The following RABGAP1L variants were observed in gnomAD, a reference collection of about 807,000 sequenced individuals.
RABGAP1L encodes the protein rab GTPase-activating protein 1-like.
RABGAP1L carries 63 observed loss-of-function variants against 137.7 expected under a neutral mutation model. That is an observed-to-expected ratio of 0.46 (90% CI 0.37 to 0.56). The LOEUF is 0.56. Ranked by LOEUF, RABGAP1L falls within the 20% of genes least tolerant of loss-of-function variation. The pLI, the probability that RABGAP1L is intolerant of heterozygous loss-of-function variation, is 0.00. For missense variants in RABGAP1L, 1,095 were observed against 1,244.0 expected (o/e 0.88, Z 1.80); for synonymous variants, 431 against 433.7 (o/e 0.99, Z 0.08).
At chr1:174,237,807 A>G (rs1054158609) in intron 4 of RABGAP1L, among the ~76,000 whole-genome samples, 24 of 148,340 alleles carry the variant, frequency 1.6e-4, no homozygotes, top group Admixed American at 1.4e-3. Context: ...CCTGAATCTG[A>G]ACGTTGGCCT....
chr1:174,230,023 A>G (rs1311510483), intron 3 of RABGAP1L, among the ~76,000 whole-genome samples: 4 of 152,158 alleles, frequency 2.6e-5, no homozygotes. Context: ...GATAGACTGG[A>G]TTAAGAAAAT....
chr1:174,405,563 G>A (rs1432611502), intron 13 of RABGAP1L, among the ~76,000 whole-genome samples: 1 of 152,198 alleles, frequency 6.6e-6, no homozygotes, highest in Non-Finnish European at 1.5e-5. Flanking sequence ...ATCAGAAAAT[G>A]TATAGTTACT....
At chr1:174,486,998 T>G (rs1659738167) in intron 13 of RABGAP1L, among the ~76,000 whole-genome samples, 2 of 152,336 alleles carry the variant, frequency 1.3e-5, no homozygotes, top group South Asian at 4.1e-4. Context: ...CTTGATATTT[T>G]TTCAGTTCTT....
chr1:174,631,987 C>CAGCA (rs1673430649), intron 13 of RABGAP1L, among the ~76,000 whole-genome samples: 2 of 95,916 alleles, frequency 2.1e-5, no homozygotes, highest in South Asian at 4.6e-4. Flanking sequence ...TCTTCCTAGT[C>CAGCA]TCGATGGTCT....
intron 13 of RABGAP1L, among the ~76,000 whole-genome samples, chr1:174,477,757 A>G (rs966071620): frequency 6.6e-6 from 1 of 152,172 alleles, no homozygotes; most frequent in Non-Finnish European, 1.5e-5. Flanking sequence ...GAGGATATTG[A>G]CATTTATTTT....
intron 19 of RABGAP1L, among the ~76,000 whole-genome samples, chr1:174,851,515 A>G (rs1170048983): frequency 1.3e-5 from 2 of 152,008 alleles, no homozygotes; most frequent in Non-Finnish European, 2.9e-5. Context: ...TCAATGAAGA[A>G]GTTGCCATTT....
At chr1:174,476,930 T>C (rs1658564213) in intron 13 of RABGAP1L, among the ~76,000 whole-genome samples, 1 of 152,174 alleles carries the variant, frequency 6.6e-6, no homozygotes, top group Non-Finnish European at 1.5e-5. Context: ...GGCCAGATCC[T>C]AGTGGCAGAA....
intron 14 of RABGAP1L, among the ~76,000 whole-genome samples, chr1:174,641,736 G>T (rs1015104466): frequency 8.5e-5 from 13 of 152,262 alleles, no homozygotes; most frequent in African/African-American, 2.9e-4. Context: ...TCACTAAGTA[G>T]ATCTAAGAAT....
At chr1:174,658,102 A>C (rs1251107589) in intron 14 of RABGAP1L, among the ~76,000 whole-genome samples, 2 of 152,160 alleles carry the variant, frequency 1.3e-5, no homozygotes, top group Non-Finnish European at 2.9e-5. Flanking sequence ...GGAGGGTGGG[A>C]GATGGGACCA....
chr1:174,506,059 C>T (rs1572093767), intron 13 of RABGAP1L, among the ~76,000 whole-genome samples: 1 of 152,316 alleles, frequency 6.6e-6, no homozygotes, highest in East Asian at 1.9e-4. Context: ...TCAAATACCA[C>T]ATGATCTCTT....
At chr1:174,978,588 T>C (rs1051203710) in intron 22 of RABGAP1L, among the ~76,000 whole-genome samples, 1 of 152,214 alleles carries the variant, frequency 6.6e-6, no homozygotes, top group East Asian at 1.9e-4. Flanking sequence ...GTGTTGTTCA[T>C]ATGTCTCATA....
intron 1 of RABGAP1L, among the ~76,000 whole-genome samples, chr1:174,195,563 G>T (rs1363276736): frequency 7.3e-6 from 1 of 137,626 alleles, no homozygotes; most frequent in Non-Finnish European, 1.6e-5. Context: ...TTTGGGTAGG[G>T]TTCTTAATCA....
chr1:174,555,890 GATGA>G (rs1666848164), intron 13 of RABGAP1L, among the ~76,000 whole-genome samples: 1 of 151,566 alleles, frequency 6.6e-6, no homozygotes, highest in Non-Finnish European at 1.5e-5. Context: ...CATCACAGTA[GATGA>G]ATGAATGGTT....
At chr1:174,893,739 A>C (rs567642501) in intron 19 of RABGAP1L, among the ~76,000 whole-genome samples, 103 of 152,274 alleles carry the variant, frequency 6.8e-4, no homozygotes, top group Admixed American at 1.9e-3. Flanking sequence ...AGCCACATAG[A>C]ATACTTGGAA....
chr1:174,925,859 G>GTTT (rs11340680), intron 19 of RABGAP1L, among the ~76,000 whole-genome samples: 1 of 128,828 alleles, frequency 7.8e-6, no homozygotes, highest in African/African-American at 2.7e-5. Flanking sequence ...TTTGTTGTTG[G>GTTT]TTTTTTTTTT....
At chr1:174,253,721 A>T (rs1360278934) in intron 7 of RABGAP1L, among the ~76,000 whole-genome samples, 1 of 152,214 alleles carries the variant, frequency 6.6e-6, no homozygotes, top group East Asian at 1.9e-4. Context: ...TCAGTCAATT[A>T]TCAGTCAGTA....
chr1:174,238,268 GC>G (rs1201065040), intron 4 of RABGAP1L, among the ~76,000 whole-genome samples: 1 of 152,194 alleles, frequency 6.6e-6, no homozygotes, highest in East Asian at 1.9e-4. Flanking sequence ...TCTTCTCTCA[GC>G]TCGTCAGTCA....
chr1:174,945,289 A>G (rs1360020096), intron 19 of RABGAP1L, among the ~76,000 whole-genome samples: 3 of 152,224 alleles, frequency 2.0e-5, no homozygotes, highest in Non-Finnish European at 4.4e-5. Context: ...TAGTCATTCC[A>G]TTACTCTCCA....
intron 11 of RABGAP1L, among the ~76,000 whole-genome samples, chr1:174,318,946 CTAT>C (rs1243764616): frequency 6.6e-6 from 1 of 151,232 alleles, no homozygotes; most frequent in African/African-American, 2.4e-5. Flanking sequence ...ATTATTATAC[CTAT>C]TATTGTTTTT....
Sources: gnomAD v4.1 joint callset for allele counts (sites outside exome capture counted in the v4.1 genomes callset) on GRCh38, gnomAD v4.1.1 for gene constraint, MANE v1.5 for transcripts, NCBI Gene and HGNC (gene_info 2026-07-23, HGNC 2026-07-21) for gene names.